MAPT: variants seen among roughly 807,000 people sequenced by gnomAD.
MAPT encodes the protein microtubule associated protein tau.
MAPT carries 34 observed loss-of-function variants against 67.9 expected under a neutral mutation model. The ratio of observed to expected loss-of-function variants is 0.50; its 90% CI spans 0.38 to 0.67. MAPT has a LOEUF of 0.67. MAPT is among the 30% of genes least tolerant of loss of function. The pLI, the probability that MAPT is intolerant of heterozygous loss-of-function variation, is 0.00. For missense variants in MAPT, 881 were observed against 1,115.2 expected, an observed-to-expected ratio of 0.79 and a Z score of 2.99; for synonymous variants, 456 against 464.5, an observed-to-expected ratio of 0.98 and a Z score of 0.23.
chr17:45,922,486 A>AACACACACACAC lies in MAPT; in HGVS notation c.-18+27822_-18+27833dup, dbSNP rs59017604. Among the ~76,000 whole-genome samples the AACACACACACAC allele has an allele frequency of 7.2e-3, 1,061 of 146,646 alleles. 9 individuals carry two copies. The highest frequency in any genetic ancestry group is 0.025 in the African/African-American group (985 of 39,842). ...TCCCGTCCCTGCAGGCTAGCTAGAGAACACACACACACACACACACACACA... is the reference window on the plus strand; with the variant it reads ...TCCCGTCCCTGCAGGCTAGCTAGAGAACACACACACACACACACACACACACACACACACACA... On this transcript the variant is annotated intron_variant, in intron 1 of 12. Transcript: ENST00000262410.
intron 3 of MAPT, chr17:45,974,513 G>C (rs1462701396): frequency 1.9e-5 from 29 of 1,498,234 alleles, no homozygotes; most frequent in Non-Finnish European, 2.7e-5. Context: ...TCAAGGCCCT[G>C]CTGGGTGCCC....
chr17:45,928,002 G>GAA (rs35954789), intron 1 of MAPT, among the ~76,000 whole-genome samples: 125 of 55,162 alleles, frequency 2.3e-3, no homozygotes, highest in Non-Finnish European at 3.2e-3. Context: ...TCCGTCTCAG[G>GAA]AAAAAAAAAA....
chr17:45,999,639 GAGTC>G (rs752147504), intron 9 of MAPT: 15 of 1,608,580 alleles, frequency 9.3e-6, no homozygotes, highest in Non-Finnish European at 1.3e-5. Flanking sequence ...TGAGGGGTGA[GAGTC>G]AGGCGACCTC....
At chr17:45,909,370 G>T (rs1476084395) in intron 1 of MAPT, among the ~76,000 whole-genome samples, 1 of 152,176 alleles carries the variant, frequency 6.6e-6, no homozygotes, top group Non-Finnish European at 1.5e-5. Context: ...GAGAACACTT[G>T]GGACTACCTG....
At chr17:45,911,295 G>C (rs989946961) in intron 1 of MAPT, among the ~76,000 whole-genome samples, 1 of 152,226 alleles carries the variant, frequency 6.6e-6, no homozygotes, top group East Asian at 1.9e-4. Context: ...TGATTCACGA[G>C]TGAATAAATG....
intron 1 of MAPT, among the ~76,000 whole-genome samples, chr17:45,912,817 C>T (rs1427445336): frequency 6.6e-6 from 1 of 152,152 alleles, no homozygotes; most frequent in African/African-American, 2.4e-5. Context: ...TTTGGCCAAC[C>T]TAGTTCCCAG....
intron 12 of MAPT, among the ~76,000 whole-genome samples, chr17:46,021,822 G>A (rs1316885761): frequency 6.6e-6 from 1 of 152,122 alleles, no homozygotes; most frequent in African/African-American, 2.4e-5. Flanking sequence ...GGTAGGCAGG[G>A]CCCTGCCCCC....
Position 45,983,732 on chromosome 17 carries a change from A to G in MAPT, c.1153A>G (p.Asn385Asp), listed in dbSNP as rs1291205412. The change falls in exon 5 of 13, where the codon AAC (asparagine) becomes GAC (aspartate). Residue 385 changes from asparagine (N) to aspartate (D), a missense_variant. Asn to Asp is a conservative substitution (Grantham distance 23, BLOSUM62 1). Around this residue, in one of 6 missense-constraint regions of MAPT, gnomAD observed 687 missense variants for 766.1 expected, o/e 0.90. Coordinates refer to ENST00000262410, the MANE Select transcript of MAPT (RefSeq NM_001377265.1). Reference sequence around the variant, plus strand: ...CACGTTTCACGTGGAAATCACACCCAACGTGCAGAAGGAGCAGGCGCACTC... The same window carrying G: ...CACGTTTCACGTGGAAATCACACCCGACGTGCAGAAGGAGCAGGCGCACTC... ...EFTFHVEITP[N>D]VQKEQAHSEE... 1 of 1,614,168 alleles carries G rather than the reference A, an allele frequency of 6.2e-7. No homozygotes were observed. The highest frequency in any genetic ancestry group is 1.1e-5 in the South Asian group (1 of 91,088).
chr17:45,943,445 A>T (rs1432718292), intron 1 of MAPT, among the ~76,000 whole-genome samples: 1 of 152,144 alleles, frequency 6.6e-6, no homozygotes, highest in East Asian at 1.9e-4. Flanking sequence ...TTACTGGCAG[A>T]CAACTGCTGA....
chr17:46,011,285 A>G (rs1410806729), intron 10 of MAPT, among the ~76,000 whole-genome samples: 1 of 150,776 alleles, frequency 6.6e-6, no homozygotes, highest in Admixed American at 6.6e-5. Flanking sequence ...AGTCCCAGCT[A>G]CTTGGGAGGC....
chr17:45,991,555 C>A lies in MAPT; in HGVS notation c.1701C>A (p.Thr567=), dbSNP rs765007821. ...QANATRIPAK[T]PPAPKTPPSS... ...ACGCCACCAGGATTCCAGCAAAAAC[C>A]CCGCCCGCTCCAAAGACACCACCCA... Residue 567 remains threonine, a synonymous_variant, in exon 8 of 13, where the codon ACC becomes ACA. Transcript: ENST00000262410. 1.2e-6 allele frequency: 2 copies of A among 1,614,194 alleles called. No individual in the cohort carries two copies. Among genetic ancestry groups the A allele is most frequent in the African/African-American group, 1.3e-5 (1 of 75,040 alleles).
rs567593592 is a variant in MAPT, at chr17:45,995,058, C to A, written c.1733-1341C>A. Among the ~76,000 whole-genome samples the A allele has an allele frequency of 7.6e-4, 116 of 151,758 alleles. No individual in the cohort carries two copies. Among genetic ancestry groups the A allele is most frequent in the African/African-American group, 2.4e-3 (101 of 41,400 alleles). On this transcript the variant is annotated intron_variant, in intron 8 of 12. Coordinates refer to ENST00000262410, the MANE Select transcript of MAPT (RefSeq NM_001377265.1). The surrounding 1 kb of genome is among the most constrained non-coding windows in gnomAD (Gnocchi z 4.3). ...ATAAGACTCCGTCTCAAAAAAAAAA[C>A]CACAAAAAAACAAAACAACAACAAA...
At chr17:45,997,555 C>G (rs1484898711) in intron 9 of MAPT, among the ~76,000 whole-genome samples, 1 of 152,116 alleles carries the variant, frequency 6.6e-6, no homozygotes, top group Non-Finnish European at 1.5e-5. Flanking sequence ...GTCAGGAGTT[C>G]GAGACCAACC....
At chr17:45,986,010 A>G (rs1251844066) in intron 5 of MAPT, among the ~76,000 whole-genome samples, 1 of 152,230 alleles carries the variant, frequency 6.6e-6, no homozygotes, top group Non-Finnish European at 1.5e-5. Context: ...ATCTATGATC[A>G]GTTTTCAGCA....
At chr17:45,903,996 A>T (rs1394661775) in intron 1 of MAPT, among the ~76,000 whole-genome samples, 1 of 10,262 alleles carries the variant, frequency 9.7e-5, no homozygotes, top group African/African-American at 4.3e-4. Context: ...ATTTATATAT[A>T]TTATATATTA....
intron 1 of MAPT, among the ~76,000 whole-genome samples, chr17:45,947,196 G>T (rs62062785): frequency 0.14 from 21,742 of 151,834 alleles, 2,104 homozygotes; most frequent in Non-Finnish European, 0.22. Flanking sequence ...CCTCCCAGTG[G>T]CTGCCTGTGT....
chr17:45,995,304 G>A lies in MAPT; in HGVS notation c.1733-1095G>A, dbSNP rs1280321122. 1.3e-5 allele frequency among the ~76,000 whole-genome samples: 2 copies of A among 152,168 alleles called. No homozygotes were observed. The highest frequency in any genetic ancestry group is 1.9e-4 in the East Asian group (1 of 5,192). On this transcript the variant is annotated intron_variant, in intron 8 of 12. Coordinates refer to ENST00000262410, the MANE Select transcript of MAPT (RefSeq NM_001377265.1). This position sits in a 1 kb window ranked among gnomAD's most constrained non-coding sequence, Gnocchi z 4.3. ...CACCTCGGCACAGGGTGAGGCCTGC[G>A]GTTCTCAGACTTCAGTCTTTGTGGA...
rs147392257 is a variant in MAPT, at chr17:45,985,679, C to T, written c.1352-1361C>T. 5.6e-5 allele frequency: 55 copies of T among 985,318 alleles called. 1 individual carries two copies. In the East Asian group the frequency reaches 2.3e-3, roughly 41 times the overall value. 61.0% of individuals were successfully genotyped at this position (985,318 alleles called of 1,614,324 possible). ...TTCCTGGAGGAAGTTTGGGAAATGC[C>T]GATTTAGCAGATTCTTTTGTTGTGC... On this transcript the variant is annotated intron_variant, in intron 5 of 12. Transcript: ENST00000262410.
chr17:45,974,558 G>C, intron 3 of MAPT: 2 of 1,071,180 alleles, frequency 1.9e-6, no homozygotes, highest in Non-Finnish European at 2.8e-6. Flanking sequence ...GGAGCTTTGC[G>C]TGTTTATCCT....
Sources: allele counts gnomAD v4.1 joint callset (sites outside exome capture counted in the v4.1 genomes callset), GRCh38; gene constraint gnomAD v4.1.1; regional missense constraint gnomAD v4.1.1; non-coding constraint Gnocchi (gnomAD v3.1); transcripts MANE v1.5; gene names NCBI Gene and HGNC (gene_info 2026-07-23, HGNC 2026-07-21).